B4GALT1: variants seen among roughly 807,000 people sequenced by gnomAD.
The protein encoded by B4GALT1 is N-acetyllactosamine synthase.
A neutral mutation model predicts 34.9 loss-of-function variants in B4GALT1; 16 were observed. That is an observed-to-expected ratio of 0.46 (90% CI 0.31 to 0.70). The LOEUF (loss-of-function observed/expected upper bound fraction) is 0.70. Among genes scored for constraint, B4GALT1 ranks in the 30% least tolerant of loss-of-function variants. The pLI, the probability that B4GALT1 is intolerant of heterozygous loss-of-function variation, is 0.05. For missense variants in B4GALT1, 445 were observed against 530.5 expected (o/e 0.84, Z 1.58); for synonymous variants, 221 against 218.1 (o/e 1.01, Z -0.12).
At chr9:33,130,220 C>T (rs189343109) in intron 2 of B4GALT1, among the ~76,000 whole-genome samples, 152 of 152,296 alleles carry the variant, frequency 1.0e-3, no homozygotes, top group Non-Finnish European at 1.5e-3. Context: ...CACAAACATT[C>T]TGCATTCCTT....
intron 3 of B4GALT1, among the ~76,000 whole-genome samples, chr9:33,117,818 A>AT (rs1348151207): frequency 6.6e-6 from 1 of 152,318 alleles, no homozygotes; most frequent in East Asian, 1.9e-4. Flanking sequence ...TGTCCACATT[A>AT]TTAATGTGAG....
chr9:33,160,629 T>C (rs1479603194), intron 1 of B4GALT1, among the ~76,000 whole-genome samples: 1 of 152,090 alleles, frequency 6.6e-6, no homozygotes, highest in Non-Finnish European at 1.5e-5. Context: ...TAGTCAGGCA[T>C]GGCGGTGTGC....
At chr9:33,106,305 A>G (rs1421205323), downstream of B4GALT1, among the ~76,000 whole-genome samples, 1 of 152,206 alleles carries the variant, frequency 6.6e-6, no homozygotes, top group East Asian at 1.9e-4. Context: ...CAAAGGACAG[A>G]TGGCCCAGCT....
At chr9:33,145,653 C>T (rs1369861936) in intron 1 of B4GALT1, among the ~76,000 whole-genome samples, 1 of 151,620 alleles carries the variant, frequency 6.6e-6, no homozygotes, top group African/African-American at 2.4e-5. Context: ...GGAAGACAGA[C>T]TTCCTCAAGA....
intron 1 of B4GALT1, among the ~76,000 whole-genome samples, chr9:33,151,497 G>C (rs549142041): frequency 6.6e-6 from 1 of 152,144 alleles, no homozygotes; most frequent in Non-Finnish European, 1.5e-5. Flanking sequence ...AAGTACTCCT[G>C]GCAATATCTC....
intron 2 of B4GALT1, among the ~76,000 whole-genome samples, chr9:33,133,429 G>A (rs533137471): frequency 8.5e-5 from 13 of 152,294 alleles, no homozygotes; most frequent in East Asian, 3.9e-4. Flanking sequence ...GATGGTGGCC[G>A]CCTCTTCCAG....
chr9:33,146,947 C>T (rs536596456), intron 1 of B4GALT1, among the ~76,000 whole-genome samples: 5 of 152,140 alleles, frequency 3.3e-5, no homozygotes, highest in Admixed American at 2.6e-4. Context: ...GTGATCCACC[C>T]GCCTCAGCCT....
intron 1 of B4GALT1, among the ~76,000 whole-genome samples, chr9:33,164,970 ATTTTTTTT>A (rs534464885): frequency 9.3e-6 from 1 of 107,580 alleles, no homozygotes; most frequent in East Asian, 2.6e-4. Context: ...GAGTGCCCGT[ATTTTTTTT>A]TTTTTTTTTT....
chr9:33,135,338 A>G lies in B4GALT1; in HGVS notation c.499T>C (p.Tyr167His). 2 of 1,614,190 alleles carry G rather than the reference A, an allele frequency of 1.2e-6. No individual in the cohort carries two copies. Among genetic ancestry groups the G allele is most frequent in the Non-Finnish European group, 1.7e-6 (2 of 1,180,018 alleles). ...QNPNVKMGGR[Y>H]APRDCVSPHK... ...GGAGAGACGCAGTCCCTGGGGGCAT[A>G]GCGGCCGCCCATCTTCACATTTGGG... is the stretch of plus-strand genomic sequence containing the variant. The change falls in exon 2 of 6, where the codon TAT (tyrosine) becomes CAT (histidine). Residue 167 changes from tyrosine to histidine, a missense_variant. By Grantham distance (83) the Tyr-to-His change is moderately conservative. Transcript: ENST00000379731.
At chr9:33,165,549 C>A (rs571059181) in intron 1 of B4GALT1, among the ~76,000 whole-genome samples, 1 of 152,302 alleles carries the variant, frequency 6.6e-6, no homozygotes, top group Admixed American at 6.5e-5. Context: ...GATGTTCTTC[C>A]CAAACTTGAT....
In B4GALT1 at chr9:33,113,886, G is replaced by A; in HGVS notation, c.960-8C>T. On this transcript the variant is annotated splice_region_variant and splice_polypyrimidine_tract_variant and intron_variant, in intron 4 of 5. Coordinates refer to ENST00000379731, the MANE Select transcript of B4GALT1 (RefSeq NM_001497.4). ...ATGCCTCTAAAAACTAATCTGCAAA[G>A]AGTAAAGGGAAAGTCATTATCACAG... The A allele has an allele frequency of 6.2e-7, 1 of 1,613,424 alleles. No homozygotes were observed. The highest frequency in any genetic ancestry group is 8.5e-7 in the Non-Finnish European group (1 of 1,179,322).
intron 4 of B4GALT1, among the ~76,000 whole-genome samples, chr9:33,115,489 G>C (rs1056005329): frequency 1.3e-5 from 2 of 152,212 alleles, no homozygotes; most frequent in African/African-American, 2.4e-5. Context: ...ATGTGGATGG[G>C]ACAGAACTGA....
intron 1 of B4GALT1, among the ~76,000 whole-genome samples, chr9:33,151,328 A>G (rs1028697491): frequency 2.6e-5 from 4 of 152,178 alleles, no homozygotes; most frequent in African/African-American, 9.7e-5. Flanking sequence ...GAGTTTTATT[A>G]CTGAGTCAGC....
chr9:33,122,619 T>A (rs951711860), intron 2 of B4GALT1, among the ~76,000 whole-genome samples: 2 of 151,784 alleles, frequency 1.3e-5, no homozygotes, highest in African/African-American at 4.8e-5. Context: ...CAGACTCAGG[T>A]GGGGAACTTG....
chr9:33,147,528 T>C (rs959264304), intron 1 of B4GALT1, among the ~76,000 whole-genome samples: 2 of 143,650 alleles, frequency 1.4e-5, no homozygotes, highest in African/African-American at 5.1e-5. Flanking sequence ...ATTACAGGCA[T>C]GAGCCCCCAT....
chr9:33,131,185 C>G (rs886320146), intron 2 of B4GALT1, among the ~76,000 whole-genome samples: 1 of 152,226 alleles, frequency 6.6e-6, no homozygotes, highest in Non-Finnish European at 1.5e-5. Flanking sequence ...AGGAGTGTCA[C>G]TGATGCCCTG....
At chr9:33,125,805 T>A (rs2118089275) in intron 2 of B4GALT1, among the ~76,000 whole-genome samples, 2 of 152,260 alleles carry the variant, frequency 1.3e-5, no homozygotes, top group South Asian at 4.1e-4. Flanking sequence ...CTTGTCCAAG[T>A]TCCAACAGCT....
At chr9:33,155,327 G>C (rs1199081085) in intron 1 of B4GALT1, among the ~76,000 whole-genome samples, 1 of 152,196 alleles carries the variant, frequency 6.6e-6, no homozygotes, top group African/African-American at 2.4e-5. Flanking sequence ...TTGTGCTTTA[G>C]TTTTTCTACC....
intron 1 of B4GALT1, among the ~76,000 whole-genome samples, chr9:33,138,189 T>C (rs1273512981): frequency 1.3e-5 from 2 of 152,056 alleles, no homozygotes; most frequent in Non-Finnish European, 2.9e-5. Flanking sequence ...CCATCATGGG[T>C]TTCAGAAAGG....
Sources: gnomAD v4.1 joint callset for allele counts (sites outside exome capture counted in the v4.1 genomes callset) on GRCh38, gnomAD v4.1.1 for gene constraint, MANE v1.5 for transcripts, NCBI Gene and HGNC (gene_info 2026-07-23, HGNC 2026-07-21) for gene names.